Variants in XPR1 observed in about 807,000 individuals in gnomAD.
The protein encoded by XPR1 is xenotropic and polytropic retrovirus receptor 1.
Under a neutral mutation model 87.5 loss-of-function variants are expected in XPR1, and 28 were observed. The observed-to-expected ratio is 0.32, with a 90% CI of 0.24 to 0.44. The LOEUF (loss-of-function observed/expected upper bound fraction) is 0.44. Among genes scored for constraint, XPR1 ranks in the 20% least tolerant of loss-of-function variants. XPR1 has a pLI of 1.00. For missense variants in XPR1, 559 were observed against 862.3 expected (o/e 0.65, Z 4.41); for synonymous variants, 300 against 306.1 (o/e 0.98, Z 0.21).
chr1:180,680,357 CTTTTTTTTTTTTTTT>C (rs369905770), intron 1 of XPR1, among the ~76,000 whole-genome samples: 3 of 83,380 alleles, frequency 3.6e-5, no homozygotes, highest in Admixed American at 1.9e-4. Flanking sequence ...CAAATAGAAC[CTTTTTTTTTTTTTTT>C]TTTTTTTTTT....
chr1:180,809,364 T>A (rs1004393701), intron 6 of XPR1, among the ~76,000 whole-genome samples: 1 of 152,190 alleles, frequency 6.6e-6, no homozygotes, highest in Non-Finnish European at 1.5e-5. Flanking sequence ...TGTAGACGTT[T>A]ATGCAGTTTC....
chr1:180,636,923 A>G (rs1211958333), intron 1 of XPR1, among the ~76,000 whole-genome samples: 1 of 152,110 alleles, frequency 6.6e-6, no homozygotes, highest in South Asian at 2.1e-4. Context: ...GTGGTGGTGC[A>G]TGCCTGTAGT....
Position 180,641,106 on chromosome 1 carries a change from C to G in XPR1, c.69+8836C>G, listed in dbSNP as rs151330964. Among the ~76,000 whole-genome samples, 65 of 152,276 alleles carry G rather than the reference C, an allele frequency of 4.3e-4. 1 individual carries two copies. The East Asian group carries it at 0.012, about 28-fold the overall frequency. On this transcript the variant is annotated intron_variant, in intron 1 of 14. Coordinates refer to ENST00000367590, the MANE Select transcript of XPR1 (RefSeq NM_004736.4). Reference sequence around the variant, plus strand: ...GTCTACCTAAGTTTATATTCCAGCTCCACCAACATACTAGTTGAGTGACTT... The same window carrying G: ...GTCTACCTAAGTTTATATTCCAGCTGCACCAACATACTAGTTGAGTGACTT...
At chr1:180,706,686 A>C (rs1207387223) in intron 2 of XPR1, among the ~76,000 whole-genome samples, 4 of 151,658 alleles carry the variant, frequency 2.6e-5, no homozygotes, top group African/African-American at 9.7e-5. Flanking sequence ...ATCTCTGCTC[A>C]CTGCAACCTC....
chr1:180,787,525 C>T (rs1649199295), intron 2 of XPR1, among the ~76,000 whole-genome samples: 3 of 152,040 alleles, frequency 2.0e-5, no homozygotes, highest in Non-Finnish European at 2.9e-5. Flanking sequence ...GTGATCTGCC[C>T]GCCTCGGCCT....
intron 2 of XPR1, among the ~76,000 whole-genome samples, chr1:180,784,096 C>T (rs1649045588): frequency 6.6e-6 from 1 of 151,798 alleles, no homozygotes; most frequent in Non-Finnish European, 1.5e-5. Context: ...GGAAATACAG[C>T]CATTTGTATA....
intron 1 of XPR1, among the ~76,000 whole-genome samples, chr1:180,637,182 C>T (rs932220211): frequency 2.6e-5 from 4 of 152,046 alleles, no homozygotes; most frequent in Non-Finnish European, 5.9e-5. Context: ...AGTACCCCTG[C>T]TAAGGAGGTC....
chr1:180,647,148 CT>C lies in XPR1; in HGVS notation c.69+14879del, dbSNP rs1655146488. Among the ~76,000 whole-genome samples, 5 of 152,208 alleles carry C rather than the reference CT, an allele frequency of 3.3e-5. No individual in the cohort carries two copies. The South Asian group carries it at 1.0e-3, about 32-fold the overall frequency. ...TGCGCAGTTCACAATAGGGTTCACC[CT>C]CCTATAAGACTCTAATGGCACTGCT... On this transcript the variant is annotated intron_variant, in intron 1 of 14. Transcript: ENST00000367590.
intron 1 of XPR1, among the ~76,000 whole-genome samples, chr1:180,656,993 C>T (rs1005046326): frequency 6.6e-6 from 1 of 151,884 alleles, no homozygotes; most frequent in African/African-American, 2.4e-5. Flanking sequence ...ACATCCTTGC[C>T]AGCATTTATT....
intron 2 of XPR1, among the ~76,000 whole-genome samples, chr1:180,755,965 T>G (rs1647722116): frequency 6.6e-6 from 1 of 152,178 alleles, no homozygotes; most frequent in African/African-American, 2.4e-5. Flanking sequence ...TCAGAGTACC[T>G]CCTCACAAAG....
chr1:180,644,509 G>A (rs73047696), intron 1 of XPR1, among the ~76,000 whole-genome samples: 6,297 of 150,580 alleles, frequency 0.042, 462 homozygotes, highest in African/African-American at 0.14. Context: ...GAAGTTTAGA[G>A]TTTAGTTGGA....
intron 1 of XPR1, among the ~76,000 whole-genome samples, chr1:180,660,332 T>C (rs754146482): frequency 6.6e-6 from 1 of 152,108 alleles, no homozygotes; most frequent in Non-Finnish European, 1.5e-5. Context: ...TCATTAATTT[T>C]ATATTTTAAT....
At chr1:180,744,654 CTTT>C (rs71121048) in intron 2 of XPR1, among the ~76,000 whole-genome samples, 1 of 102,394 alleles carries the variant, frequency 9.8e-6, no homozygotes, top group African/African-American at 4.0e-5. Context: ...CAATTTCTTT[CTTT>C]TTTTTTTTTT....
intron 1 of XPR1, among the ~76,000 whole-genome samples, chr1:180,659,402 T>G (rs1655680152): frequency 9.2e-6 from 1 of 109,082 alleles, no homozygotes. Context: ...CTTCCTTCCT[T>G]CCTTCCTTCC....
chr1:180,760,794 G>A (rs1242558303), intron 2 of XPR1, among the ~76,000 whole-genome samples: 1 of 152,094 alleles, frequency 6.6e-6, no homozygotes, highest in Non-Finnish European at 1.5e-5. Flanking sequence ...CCAAAAAAGA[G>A]CCCGCATCGC....
At chr1:180,679,751 C>G (rs188304343) in intron 1 of XPR1, among the ~76,000 whole-genome samples, 3 of 151,996 alleles carry the variant, frequency 2.0e-5, no homozygotes, top group African/African-American at 7.3e-5. Context: ...TAAAGTAAAC[C>G]GATACTGTCT....
intron 2 of XPR1, among the ~76,000 whole-genome samples, chr1:180,750,025 A>G (rs1647462839): frequency 1.3e-5 from 2 of 152,210 alleles, no homozygotes; most frequent in African/African-American, 4.8e-5. Context: ...AGAACCTTGA[A>G]TAACGATGTT....
rs1031409020 is a variant in XPR1 at position 180,885,793 on chromosome 1, T to C, written c.*1727T>C. On this transcript the variant is annotated 3_prime_UTR_variant, in exon 15 of 15. Transcript: ENST00000367590. ...CGGTTACTGCCCTTTAATACACTCC[T>C]ATCATCAGCACTTCCACCATGTATT... 1 of 152,252 alleles carries C rather than the reference T, an allele frequency of 6.6e-6. No homozygotes were observed. Among genetic ancestry groups the C allele is most frequent in the African/African-American group, 2.4e-5 (1 of 41,464 alleles). The allele number at this position is 152,252 out of a possible 1,614,324, so 9.4% of individuals were successfully genotyped here.
In XPR1 at chr1:180,797,102, TCTATAA is replaced by T. The variant is rs1423505197; in HGVS notation, c.224-6285_224-6280del. On this transcript the variant is annotated intron_variant, in intron 3 of 14. Transcript: ENST00000367590. ...TGGATTTTTATGATGATTGCACAAC[TCTATAA>T]ATTTACTGAAAGTCAATGAATTGCA... Among the ~76,000 whole-genome samples, 5 of 152,280 alleles carry T rather than the reference TCTATAA, an allele frequency of 3.3e-5. No homozygotes were observed. In the East Asian group the frequency reaches 7.7e-4, roughly 23 times the overall value.
Sources: allele counts gnomAD v4.1 joint callset (sites outside exome capture counted in the v4.1 genomes callset), GRCh38; gene constraint gnomAD v4.1.1; transcripts MANE v1.5; gene names NCBI Gene and HGNC (gene_info 2026-07-23, HGNC 2026-07-21).